The following MINK1 variants were observed in gnomAD, a reference collection of about 807,000 sequenced individuals.
MINK1 encodes the protein misshapen-like kinase 1.
In MINK1, 46 loss-of-function variants were observed where a neutral mutation model predicts 178.4. The ratio of observed to expected loss-of-function variants is 0.26; its 90% CI spans 0.20 to 0.33. The LOEUF is 0.33. MINK1 is among the 10% of genes least tolerant of loss of function. The pLI, the probability that MINK1 is intolerant of heterozygous loss-of-function variation, is 1.00. For missense variants in MINK1, 1,366 were observed against 1,814.9 expected, an observed-to-expected ratio of 0.75 and a Z score of 4.49; for synonymous variants, 797 against 709.7, an observed-to-expected ratio of 1.12 and a Z score of -1.96.
At chr17:4,843,482 A>G (rs1275882723) in intron 1 of MINK1, among the ~76,000 whole-genome samples, 1 of 151,652 alleles carries the variant, frequency 6.6e-6, no homozygotes, top group Non-Finnish European at 1.5e-5. Flanking sequence ...CGTCACAAAA[A>G]AAAAAGAAAG....
intron 1 of MINK1, among the ~76,000 whole-genome samples, chr17:4,866,592 T>C (rs1330030320): frequency 7.1e-6 from 1 of 141,116 alleles, no homozygotes; most frequent in Non-Finnish European, 1.5e-5. Context: ...AGCAACATAG[T>C]GAGACCCTGA....
At chr17:4,873,164 G>T (rs563391403) in intron 1 of MINK1, among the ~76,000 whole-genome samples, 2 of 152,276 alleles carry the variant, frequency 1.3e-5, no homozygotes, top group South Asian at 4.1e-4. Flanking sequence ...CTGCTCTCAC[G>T]TGTTGCCCTT....
At chr17:4,849,986 A>G (rs2150797758) in intron 1 of MINK1, among the ~76,000 whole-genome samples, 1 of 151,864 alleles carries the variant, frequency 6.6e-6, no homozygotes, top group South Asian at 2.1e-4. Context: ...TCCCTCTGTC[A>G]TCCAGGCTGT....
chr17:4,892,434 T>C lies in MINK1; in HGVS notation c.2120T>C (p.Leu707Pro). Residue 707 changes from leucine to proline, a missense_variant, in exon 18 of 32, where the codon CTG (leucine) becomes CCG (proline). Transcript: ENST00000355280. The stretch of plus-strand genomic sequence containing the variant: ...AGCAACTCCGCCTGGCAAATCTATC[T>C]GCAAAGGCGGGCAGAGCGGGGCACC... ...PRSNSAWQIY[L>P]QRRAERGTPK... is the part of the protein sequence containing the mutation. The C allele has an allele frequency of 1.3e-6, 2 of 1,558,354 alleles. No individual in the cohort carries two copies. The highest frequency in any genetic ancestry group is 8.7e-7 in the Non-Finnish European group (1 of 1,152,736).
At chr17:4,852,901 G>T (rs1236838123) in intron 1 of MINK1, among the ~76,000 whole-genome samples, 5 of 8,904 alleles carry the variant, frequency 5.6e-4, no homozygotes, top group South Asian at 3.1e-3. Flanking sequence ...GGGGAGTGTG[G>T]TTGGTGGGGG....
chr17:4,886,666 C>T lies in MINK1; in HGVS notation c.949+40C>T, dbSNP rs78767298. 127,989 of 1,512,052 alleles carry T rather than the reference C, an allele frequency of 0.085. 5,798 individuals carry two copies. Among genetic ancestry groups the T allele is most frequent in the Non-Finnish European group, 0.092 (103,758 of 1,131,134 alleles). The allele number at this position is 1,512,052 out of a possible 1,614,324, so 93.7% of individuals were successfully genotyped here. ...TGGAGGGGGCAGGTACTAGGGGACA[C>T]TCCAGCCTGGCTCCTCTCTGCCAGC... On this transcript the variant is annotated intron_variant, in intron 10 of 31. Transcript: ENST00000355280. The surrounding 1 kb of genome is among the most constrained non-coding windows in gnomAD (Gnocchi z 6.1).
At chr17:4,870,320 C>T (rs921910418) in intron 1 of MINK1, among the ~76,000 whole-genome samples, 4 of 151,146 alleles carry the variant, frequency 2.6e-5, no homozygotes, top group Non-Finnish European at 5.9e-5. Context: ...GATCCTCCCA[C>T]CTCAGCCTCC....
At chr17:4,869,901 ATTTTTTTTCTTTC>A (rs1298776385) in intron 1 of MINK1, among the ~76,000 whole-genome samples, 4 of 142,328 alleles carry the variant, frequency 2.8e-5, no homozygotes, top group Non-Finnish European at 6.1e-5. Flanking sequence ...CAGTGGCGCA[ATTTTTTTTCTTTC>A]TTTTTTTTTT....
Position 4,885,101 on chromosome 17 carries a change from TC to T in MINK1, c.508+101del. The T allele has an allele frequency of 9.0e-7, 1 of 1,110,398 alleles. No homozygotes were observed. The highest frequency in any genetic ancestry group is 2.5e-5 in the East Asian group (1 of 39,342). 68.8% of individuals were successfully genotyped at this position (1,110,398 alleles called of 1,614,324 possible). On this transcript the variant is annotated intron_variant, in intron 6 of 31. Transcript: ENST00000355280. The surrounding 1 kb of genome is among the most constrained non-coding windows in gnomAD (Gnocchi z 5.0). ...TCTGGTGGCTCAGGCCCAACTCCCT[TC>T]CTACTGGGGAGGCTCACTCCCTCCC...
At chr17:4,890,904 A>G (rs1597558879) in intron 14 of MINK1, 47 bp from the exon 15 acceptor site, 1 of 1,550,682 alleles carries the variant, frequency 6.4e-7, no homozygotes. Flanking sequence ...CAGTTTTGAG[A>G]ACAGGGAGGC....
intron 1 of MINK1, among the ~76,000 whole-genome samples, chr17:4,834,402 A>G (rs2150709412): frequency 6.6e-6 from 1 of 152,188 alleles, no homozygotes. Context: ...ACACACGCGC[A>G]CACACGACAC....
chr17:4,881,752 C>G (rs1967718321), intron 4 of MINK1, among the ~76,000 whole-genome samples: 1 of 152,228 alleles, frequency 6.6e-6, no homozygotes, highest in Non-Finnish European at 1.5e-5. Context: ...GAGCCTGCTG[C>G]AGAGCTTGGG....
rs374378662 is a variant in MINK1, at chr17:4,892,760, G to T, written c.2303G>T (p.Arg768Leu). Residue 768 changes from arginine (R) to leucine (L), a missense_variant, in exon 19 of 32, where the codon CGC (arginine) becomes CTC (leucine). Arg to Leu is a moderately radical substitution (Grantham distance 102, BLOSUM62 -2). This residue lies in a region of MINK1 where 709 missense variants were observed against 692.3 expected (regional missense o/e 1.02). Coordinates refer to ENST00000355280, the MANE Select transcript of MINK1 (RefSeq NM_153827.5). Reference protein sequence around the residue: ...LPQAGSLERNRVGVSSKPDSS... With the variant: ...LPQAGSLERNLVGVSSKPDSS... ...CAGGCTGGCTCACTGGAGCGGAACCGCGTGGGAGGTATGTGAGCCAGGGCT... is the reference window on the plus strand; with the variant it reads ...CAGGCTGGCTCACTGGAGCGGAACCTCGTGGGAGGTATGTGAGCCAGGGCT... The T allele has an allele frequency of 1.9e-6, 3 of 1,606,532 alleles. No homozygotes were observed. Among genetic ancestry groups the T allele is most frequent in the Non-Finnish European group, 2.5e-6 (3 of 1,176,582 alleles).
Position 4,887,813 on chromosome 17 carries a change from A to G in MINK1, c.1230+23A>G, listed in dbSNP as rs1159365198. On this transcript the variant is annotated intron_variant, in intron 12 of 31. Coordinates refer to ENST00000355280, the MANE Select transcript of MINK1 (RefSeq NM_153827.5). The surrounding 1 kb of genome is among the most constrained non-coding windows in gnomAD (Gnocchi z 7.6). The stretch of plus-strand genomic sequence containing the variant: ...GAGGTGGGCTGTCTCCGAAGGGCCC[A>G]GGCCTGGCGCGGCCTCCTCCTGACC... 1.4e-6 allele frequency: 2 copies of G among 1,464,238 alleles called. No homozygotes were observed. The highest frequency in any genetic ancestry group is 2.8e-5 in the African/African-American group (2 of 70,176). The allele number at this position is 1,464,238 out of a possible 1,614,324, so 90.7% of individuals were successfully genotyped here.
At chr17:4,859,002 G>A (rs1173070012) in intron 1 of MINK1, 1 of 432,780 alleles carries the variant, frequency 2.3e-6, no homozygotes, top group Non-Finnish European at 3.1e-6. Flanking sequence ...GGCACCCGGG[G>A]CAGCCCCACC....
chr17:4,878,794 C>CA, intron 2 of MINK1, among the ~76,000 whole-genome samples: 1 of 152,346 alleles, frequency 6.6e-6, no homozygotes, highest in Non-Finnish European at 1.5e-5. Context: ...TGGCCTTCTG[C>CA]AGAGGGGATG....
chr17:4,862,975 C>T (rs996727539), intron 1 of MINK1, among the ~76,000 whole-genome samples: 3 of 151,952 alleles, frequency 2.0e-5, no homozygotes, highest in African/African-American at 7.3e-5. Context: ...GTTGAAGCTG[C>T]AGTGGGCTGC....
intron 20 of MINK1, 76 bp from the exon 21 acceptor site, chr17:4,893,358 G>A: frequency 2.5e-6 from 4 of 1,612,534 alleles, no homozygotes; most frequent in Non-Finnish European, 3.4e-6. Context: ...CGCCCTGCTG[G>A]GGTGTCCCGG....
chr17:4,883,911 C>T (rs1267373549), intron 4 of MINK1, among the ~76,000 whole-genome samples: 1 of 151,952 alleles, frequency 6.6e-6, no homozygotes, highest in East Asian at 1.9e-4. Flanking sequence ...TAGACCCTTC[C>T]TCAGGGAAAA....
Sources: allele counts gnomAD v4.1 joint callset (sites outside exome capture counted in the v4.1 genomes callset), GRCh38; gene constraint gnomAD v4.1.1; regional missense constraint gnomAD v4.1.1; non-coding constraint Gnocchi (gnomAD v3.1); transcripts MANE v1.5; gene names NCBI Gene and HGNC (gene_info 2026-07-23, HGNC 2026-07-21).